CCDC171: variants seen among roughly 807,000 people sequenced by gnomAD.
CCDC171 encodes coiled-coil domain-containing protein 171.
Under a neutral mutation model 168.2 loss-of-function variants are expected in CCDC171, and 177 were observed. That is an observed-to-expected ratio of 1.05 (90% CI 0.93 to 1.19). The LOEUF is 1.19. CCDC171 is among the 50% of genes most tolerant of loss of function. The pLI is 0.00. For missense variants in CCDC171, 1,991 were observed against 1,539.0 expected, an observed-to-expected ratio of 1.29 and a Z score of -4.91; for synonymous variants, 687 against 540.8, an observed-to-expected ratio of 1.27 and a Z score of -3.75.
chr9:15,665,616 A>G (rs1430154618), intron 8 of CCDC171, among the ~76,000 whole-genome samples: 1 of 152,140 alleles, frequency 6.6e-6, no homozygotes, highest in Non-Finnish European at 1.5e-5. Context: ...CCCTATCTCT[A>G]CAAAAAATAA....
intron 9 of CCDC171, among the ~76,000 whole-genome samples, chr9:15,669,176 T>C (rs1394628844): frequency 6.6e-6 from 1 of 152,178 alleles, no homozygotes; most frequent in East Asian, 1.9e-4. Context: ...TTCATAACAG[T>C]AGACATTCCT....
At chr9:15,676,575 C>G (rs1325711807) in intron 9 of CCDC171, among the ~76,000 whole-genome samples, 2 of 151,952 alleles carry the variant, frequency 1.3e-5, no homozygotes, top group African/African-American at 2.4e-5. Flanking sequence ...ACACAGTCAC[C>G]CAAGGACTTC....
intron 6 of CCDC171, among the ~76,000 whole-genome samples, chr9:16,025,743 A>G (rs538269951): frequency 1.3e-5 from 2 of 152,318 alleles, no homozygotes; most frequent in African/African-American, 4.8e-5. Flanking sequence ...GAAGTGGGAA[A>G]ATGTATAAAG....
At chr9:15,715,580 C>T (rs920564477) in intron 11 of CCDC171, among the ~76,000 whole-genome samples, 9 of 152,124 alleles carry the variant, frequency 5.9e-5, no homozygotes, top group African/African-American at 2.2e-4. Context: ...GAGTTCAGTT[C>T]AAAACATGAA....
chr9:15,669,590 T>A (rs1233601554), intron 9 of CCDC171, among the ~76,000 whole-genome samples: 2 of 152,182 alleles, frequency 1.3e-5, no homozygotes, highest in Non-Finnish European at 2.9e-5. Context: ...AACTGTATTT[T>A]TGTACCCATT....
At position 15,874,616 on chromosome 9, in the gene CCDC171, T is replaced by C. The variant is rs375702057; in HGVS notation, c.3553T>C (p.Phe1185Leu). 37 of 1,606,286 alleles carry C rather than the reference T, an allele frequency of 2.3e-5. No homozygotes were observed. Among genetic ancestry groups the C allele is most frequent in the Middle Eastern group, 3.3e-4 (2 of 6,022 alleles). The change falls in exon 24 of 26, where the codon TTT (phenylalanine) becomes CTT (leucine). Residue 1185 changes from phenylalanine (F) to leucine (L), a missense_variant. Transcript: ENST00000380701. ...GCTACCCAAACTGCACCTGGAGACC[T>C]TTGCAATGGAGGGGCTCAAGGGCGG... The part of the protein sequence containing the change: ...LQLPKLHLET[F>L]AMEGLKGGPE...
chr9:16,092,065 T>C, the CCDC171 span, among the ~76,000 whole-genome samples: 5,044 of 152,296 alleles, frequency 0.033, 117 homozygotes, highest in African/African-American at 0.066. Context: ...TTTTTAAAAA[T>C]AGATTCAGAA....
chr9:15,555,537 T>C (rs1364813626), intron 1 of CCDC171, among the ~76,000 whole-genome samples: 2 of 152,118 alleles, frequency 1.3e-5, no homozygotes, highest in Non-Finnish European at 2.9e-5. Context: ...CTTACATGCT[T>C]CCCTGACTGG....
At chr9:15,753,021 G>T (rs2055861855) in intron 18 of CCDC171, among the ~76,000 whole-genome samples, 1 of 152,002 alleles carries the variant, frequency 6.6e-6, no homozygotes, top group South Asian at 2.1e-4. Flanking sequence ...TCTTGTCACT[G>T]TGTTATGTAT....
chr9:15,874,937 T>A (rs1056225363), intron 24 of CCDC171: 1 of 213,036 alleles, frequency 4.7e-6, no homozygotes, highest in Non-Finnish European at 9.2e-6. Flanking sequence ...AAGAAAATAC[T>A]TTCCTATCAG....
intron 21 of CCDC171, among the ~76,000 whole-genome samples, chr9:15,790,872 G>C (rs949060439): frequency 9.9e-5 from 15 of 152,098 alleles, no homozygotes; most frequent in Admixed American, 2.6e-4. Context: ...CCCATTTCTT[G>C]TTTTTGTCAG....
intron 21 of CCDC171, among the ~76,000 whole-genome samples, chr9:15,828,355 A>G (rs1186836278): frequency 6.6e-6 from 1 of 151,642 alleles, no homozygotes; most frequent in Non-Finnish European, 1.5e-5. Context: ...CAGGACTTAG[A>G]AAAGTGATAC....
intron 3 of CCDC171, 35 bp from the exon 4 acceptor site, chr9:15,578,814 T>C: frequency 6.4e-7 from 1 of 1,571,852 alleles, no homozygotes; most frequent in Non-Finnish European, 8.7e-7. Flanking sequence ...CTCATAATCT[T>C]TGGACACATG....
chr9:15,797,556 A>G (rs1263934085), intron 21 of CCDC171, among the ~76,000 whole-genome samples: 1 of 152,090 alleles, frequency 6.6e-6, no homozygotes, highest in Non-Finnish European at 1.5e-5. Flanking sequence ...TGTCTTATTC[A>G]TTGTAAAAAT....
rs759176152 is a variant in CCDC171 at position 15,564,063 on chromosome 9, G to T, written c.-26G>T. 3.8e-6 allele frequency: 6 copies of T among 1,567,774 alleles called. No individual in the cohort carries two copies. The highest frequency in any genetic ancestry group is 1.7e-4 in the Middle Eastern group (1 of 5,948). ...AAATATGTCATTAAGAAATAGCAGG[G>T]TATTTTGAAAGAGTTGGAAAACATC... On this transcript the variant is annotated 5_prime_UTR_variant, in exon 2 of 26. Coordinates refer to ENST00000380701, the MANE Select transcript of CCDC171 (RefSeq NM_173550.4).
chr9:16,033,742 C>T (rs556967199), intron 6 of CCDC171, among the ~76,000 whole-genome samples: 7 of 151,930 alleles, frequency 4.6e-5, no homozygotes, highest in African/African-American at 1.4e-4. Context: ...TCCCTGGTGC[C>T]GAAAAGGTTG....
chr9:15,734,980 G>C (rs982028889), intron 16 of CCDC171, among the ~76,000 whole-genome samples: 1 of 152,018 alleles, frequency 6.6e-6, no homozygotes, highest in Non-Finnish European at 1.5e-5. Context: ...TTGTAAAGAA[G>C]CAATTAGTAA....
intron 6 of CCDC171, among the ~76,000 whole-genome samples, chr9:15,605,515 TAAAA>T (rs71325923): frequency 1.0e-5 from 1 of 99,156 alleles, no homozygotes; most frequent in Non-Finnish European, 1.9e-5. Context: ...CTGTCTCTAC[TAAAA>T]AAAAAAAAAA....
At chr9:15,571,908 A>C in intron 3 of CCDC171, 149 bp downstream of exon 3, 1 of 617,628 alleles carries the variant, frequency 1.6e-6, no homozygotes, top group Non-Finnish European at 2.7e-6. Context: ...ATAATTTTAA[A>C]ATGTAGTGTA....
Sources: gnomAD v4.1 joint callset for allele counts (sites outside exome capture counted in the v4.1 genomes callset) on GRCh38, gnomAD v4.1.1 for gene constraint, MANE v1.5 for transcripts, NCBI Gene and HGNC (gene_info 2026-07-23, HGNC 2026-07-21) for gene names.